Variants in XNDC1N observed in about 807,000 individuals in gnomAD.
The protein encoded by XNDC1N is XRCC1 N-terminal domain containing 1, N-terminal like, also known as protein XNDC1N.
At chr11:71,904,531 C>A in the XNDC1N span, among the ~76,000 whole-genome samples, 5 of 142,568 alleles carry the variant, frequency 3.5e-5, no homozygotes, top group East Asian at 9.1e-4. Flanking sequence ...AGTCATATCT[C>A]TCTATGAGAT....
At chr11:71,881,947 T>C in the XNDC1N span, among the ~76,000 whole-genome samples, 14 of 152,160 alleles carry the variant, frequency 9.2e-5, no homozygotes, top group African/African-American at 3.1e-4. Context: ...TTTGAAGAAA[T>C]TCTGACTGAG....
chr11:71,880,003 G>T, the XNDC1N span, among the ~76,000 whole-genome samples: 2 of 152,066 alleles, frequency 1.3e-5, no homozygotes, highest in African/African-American at 4.8e-5. Flanking sequence ...CTAAAGGAAT[G>T]AATTTTATAG....
At chr11:71,883,613 C>A in the XNDC1N span, among the ~76,000 whole-genome samples, 20 of 152,228 alleles carry the variant, frequency 1.3e-4, no homozygotes, top group Admixed American at 2.6e-4. Context: ...CACATTTAAA[C>A]ATAATTACCT....
chr11:71,912,756 A>T, the XNDC1N span, among the ~76,000 whole-genome samples: 1 of 152,170 alleles, frequency 6.6e-6, no homozygotes, highest in Non-Finnish European at 1.5e-5. Context: ...GAAGGGATGT[A>T]CAGACCCTGC....
chr11:71,908,750 T>C, the XNDC1N span, among the ~76,000 whole-genome samples: 6 of 152,136 alleles, frequency 3.9e-5, no homozygotes, highest in Admixed American at 3.3e-4. Context: ...CACCAGTTGC[T>C]CATGTTGCTC....
At chr11:71,914,512 C>T in the XNDC1N span, 13 of 378,546 alleles carry the variant, frequency 3.4e-5, no homozygotes, top group Non-Finnish European at 6.2e-5. Context: ...CATGGTGAAA[C>T]CCCATCTCTA....
At chr11:71,873,593 A>ATCTTAGAATTAT in the XNDC1N span, among the ~76,000 whole-genome samples, 3 of 152,236 alleles carry the variant, frequency 2.0e-5, no homozygotes, top group Admixed American at 2.0e-4. Flanking sequence ...CCATAGAAAT[A>ATCTTAGAATTAT]TCTTAGAAAA....
the XNDC1N span, among the ~76,000 whole-genome samples, chr11:71,912,808 GA>G: frequency 6.6e-6 from 1 of 151,922 alleles, no homozygotes. Flanking sequence ...TAGATATTAG[GA>G]AAAAATGTCA....
chr11:71,877,937 A>G, the XNDC1N span, among the ~76,000 whole-genome samples: 2 of 152,240 alleles, frequency 1.3e-5, no homozygotes, highest in African/African-American at 4.8e-5. Context: ...AAATTAGTTT[A>G]TCTCATTCGA....
At chr11:71,923,650 G>T in the XNDC1N span, among the ~76,000 whole-genome samples, 1 of 151,698 alleles carries the variant, frequency 6.6e-6, no homozygotes, top group African/African-American at 2.4e-5. Flanking sequence ...CCTCCTCCCG[G>T]GTTCACGCCA....
the XNDC1N span, among the ~76,000 whole-genome samples, chr11:71,922,311 T>C: frequency 6.6e-6 from 1 of 152,182 alleles, no homozygotes; most frequent in Admixed American, 6.6e-5. Context: ...TTTGTTTGTT[T>C]GTTTGTTTTG....
At chr11:71,890,263 A>C in the XNDC1N span, among the ~76,000 whole-genome samples, 1 of 152,208 alleles carries the variant, frequency 6.6e-6, no homozygotes, top group Non-Finnish European at 1.5e-5. Context: ...GAGTAATATC[A>C]TCCTCTCCCT....
chr11:71,872,362 T>C, the XNDC1N span, among the ~76,000 whole-genome samples: 1 of 152,254 alleles, frequency 6.6e-6, no homozygotes, highest in Admixed American at 6.5e-5. Context: ...CAATAACTAA[T>C]ACACTACCCC....
the XNDC1N span, among the ~76,000 whole-genome samples, chr11:71,909,634 C>G: frequency 6.6e-6 from 1 of 152,190 alleles, no homozygotes; most frequent in Non-Finnish European, 1.5e-5. Flanking sequence ...CGGTGCTGAA[C>G]ATTCACTAGT....
the XNDC1N span, among the ~76,000 whole-genome samples, chr11:71,870,203 G>A: frequency 2.6e-5 from 4 of 152,172 alleles, no homozygotes; most frequent in Non-Finnish European, 5.9e-5. Context: ...TGACATTTGG[G>A]TGGGGACACA....
chr11:71,909,558 C>T, the XNDC1N span, among the ~76,000 whole-genome samples: 3 of 152,200 alleles, frequency 2.0e-5, no homozygotes, highest in African/African-American at 7.2e-5. Context: ...CCGGCTCAAG[C>T]GTTCCCAAAG....
the XNDC1N span, among the ~76,000 whole-genome samples, chr11:71,899,889 T>C: frequency 3.3e-5 from 5 of 152,278 alleles, no homozygotes; most frequent in East Asian, 7.7e-4. Flanking sequence ...TGCCTGCCCC[T>C]GGGAAATGAA....
the XNDC1N span, chr11:71,894,070 T>C: frequency 1.9e-6 from 1 of 523,856 alleles, no homozygotes; most frequent in South Asian, 1.7e-5. Context: ...ATTCATGCAT[T>C]TCCATAATAC....
At chr11:71,894,256 G>A in the XNDC1N span, 3 of 408,754 alleles carry the variant, frequency 7.3e-6, no homozygotes, top group Non-Finnish European at 1.3e-5. Flanking sequence ...CTTGACTTCA[G>A]CTCTGTCACC....
Sources: gnomAD v4.1 joint callset for allele counts (sites outside exome capture counted in the v4.1 genomes callset) on GRCh38, gnomAD v4.1.1 for gene constraint, MANE v1.5 for transcripts, NCBI Gene and HGNC (gene_info 2026-07-23, HGNC 2026-07-21) for gene names.